Variants in CHN2 observed in about 807,000 individuals in gnomAD.
The protein encoded by CHN2 is beta-chimaerin.
In CHN2, 35 loss-of-function variants were observed where a neutral mutation model predicts 56.3. The observed-to-expected ratio is 0.62, with a 90% CI of 0.47 to 0.82. CHN2 has a LOEUF of 0.82. CHN2 is among the 40% of genes least tolerant of loss of function. The probability of loss-of-function intolerance (pLI) is 0.00; values close to 1 mark genes in which losing one functional copy is unlikely to be tolerated. For missense variants in CHN2, 491 were observed against 580.5 expected (o/e 0.85, Z 1.58); for synonymous variants, 210 against 212.8 (o/e 0.99, Z 0.12).
intron 6 of CHN2, 107 bp downstream of exon 6, chr7:29,400,935 C>G (rs10251888): frequency 0.043 from 47,033 of 1,104,118 alleles, 1,423 homozygotes; most frequent in African/African-American, 0.11. Flanking sequence ...GACCCACCCC[C>G]ACCCGAAGAA....
intron 6 of CHN2, among the ~76,000 whole-genome samples, chr7:29,411,550 G>A (rs573210283): frequency 5.1e-4 from 77 of 152,270 alleles, no homozygotes; most frequent in African/African-American, 1.4e-3. Flanking sequence ...AGGCCAAGCC[G>A]AAGGACCCCG....
intron 1 of CHN2, among the ~76,000 whole-genome samples, chr7:29,282,566 C>T (rs556617893): frequency 6.6e-6 from 1 of 152,186 alleles, no homozygotes; most frequent in South Asian, 2.1e-4. Context: ...TTTAACTGTA[C>T]TGGTGGATTT....
intron 1 of CHN2, among the ~76,000 whole-genome samples, chr7:29,290,728 T>C (rs1792532743): frequency 6.6e-6 from 1 of 152,142 alleles, no homozygotes; most frequent in African/African-American, 2.4e-5. Context: ...CATTTAGAAG[T>C]GTTAATGGTG....
chr7:29,317,924 C>T (rs1324782192), intron 1 of CHN2, among the ~76,000 whole-genome samples: 4 of 152,154 alleles, frequency 2.6e-5, no homozygotes, highest in South Asian at 2.1e-4. Context: ...GCAGAGGTTG[C>T]AGTAAGCCAA....
intron 4 of CHN2, chr7:29,397,275 G>C (rs1801832309): frequency 6.6e-6 from 1 of 152,200 alleles, no homozygotes; most frequent in Non-Finnish European, 1.5e-5. Flanking sequence ...TTTTAAAAAT[G>C]TTATCCTTCT....
At chr7:29,449,204 T>C (rs1784232348) in intron 6 of CHN2, among the ~76,000 whole-genome samples, 1 of 152,146 alleles carries the variant, frequency 6.6e-6, no homozygotes, top group Non-Finnish European at 1.5e-5. Flanking sequence ...ACTTAGGAAT[T>C]GCAGGAAAAA....
Position 29,504,766 on chromosome 7 carries a change from C to G in CHN2, c.936C>G (p.Tyr312Ter), listed in dbSNP as rs1022021544. Residue 312 changes from tyrosine (Y) to a stop codon, truncating the protein, a stop_gained, in exon 10 of 13, where the codon TAC becomes TAG. Coordinates refer to ENST00000222792, the MANE Select transcript of CHN2 (RefSeq NM_004067.4). LOFTEE classifies it high-confidence loss of function. ...EARGLKSEGLYRVSGFTEHIE... is the reference protein window; with the variant it reads ...EARGLKSEGL Reference sequence around the variant, plus strand: ...CAGGATTAAAATCGGAAGGCCTTTACAGAGTCTCTGGGTTCACTGAACACA... The same window carrying G: ...CAGGATTAAAATCGGAAGGCCTTTAGAGAGTCTCTGGGTTCACTGAACACA... 3 of 1,611,656 alleles carry G rather than the reference C, an allele frequency of 1.9e-6. No homozygotes were observed. In the Admixed American group the frequency reaches 5.0e-5, roughly 27 times the overall value.
At chr7:29,332,945 G>A (rs1356611402) in intron 1 of CHN2, 1 of 152,052 alleles carries the variant, frequency 6.6e-6, no homozygotes, top group Non-Finnish European at 1.5e-5. Flanking sequence ...ATCCTGTCTA[G>A]GAAGATGTCC....
chr7:29,463,959 C>T (rs1458905740), intron 6 of CHN2, among the ~76,000 whole-genome samples: 2 of 152,198 alleles, frequency 1.3e-5, no homozygotes, highest in East Asian at 3.9e-4. Context: ...GGCATTGCCC[C>T]CTCCACTGGC....
intron 1 of CHN2, among the ~76,000 whole-genome samples, chr7:29,269,416 T>C (rs560667684): frequency 6.6e-6 from 1 of 152,354 alleles, no homozygotes; most frequent in South Asian, 2.1e-4. Context: ...TATTCCATTG[T>C]GTACGTGTAC....
chr7:29,300,193 G>T (rs1470410786), intron 1 of CHN2, among the ~76,000 whole-genome samples: 1 of 152,190 alleles, frequency 6.6e-6, no homozygotes, highest in Non-Finnish European at 1.5e-5. Flanking sequence ...TCAAGCTAAG[G>T]AATGTGGAAT....
At chr7:29,353,724 G>T (rs1798070112) in intron 1 of CHN2, among the ~76,000 whole-genome samples, 1 of 152,196 alleles carries the variant, frequency 6.6e-6, no homozygotes, top group South Asian at 2.1e-4. Flanking sequence ...AGCGGTAGAG[G>T]ATGATGAGAA....
Position 29,437,308 on chromosome 7 carries a change from T to C in CHN2, c.576+36480T>C, listed in dbSNP as rs560608444. 2.2e-5 allele frequency among the ~76,000 whole-genome samples: 3 copies of C among 138,578 alleles called. 1 individual carries two copies. Among genetic ancestry groups the C allele is most frequent in the South Asian group, 2.2e-4 (1 of 4,606 alleles). The allele number at this position is 138,578 out of a possible 152,430, so 90.9% of individuals were successfully genotyped here. A position where few individuals can be genotyped will look rare whatever the true frequency, so the allele number is the denominator to read the frequency against. ...GCATATCTTCTCAGCATTTAAGATA[T>C]CTAAAACCGGCTGGGCGCGGTGGCT... On this transcript the variant is annotated intron_variant, in intron 6 of 12. Transcript: ENST00000222792.
intron 1 of CHN2, among the ~76,000 whole-genome samples, chr7:29,283,431 T>C (rs535414874): frequency 1.7e-4 from 26 of 152,266 alleles, no homozygotes; most frequent in Non-Finnish European, 2.8e-4. Flanking sequence ...CCCTTCCATG[T>C]GGACAGGACT....
At chr7:29,293,859 T>TC (rs1429227625) in intron 1 of CHN2, among the ~76,000 whole-genome samples, 94 of 44,562 alleles carry the variant, frequency 2.1e-3, no homozygotes, top group African/African-American at 5.5e-3. Context: ...GGCTGGGAAT[T>TC]TTTTTTTTTT....
At chr7:29,356,907 T>G (rs1468442450) in intron 2 of CHN2, among the ~76,000 whole-genome samples, 1 of 152,252 alleles carries the variant, frequency 6.6e-6, no homozygotes, top group Non-Finnish European at 1.5e-5. Context: ...CTTACTGTGC[T>G]TTGCACACTG....
Position 29,381,809 on chromosome 7 carries a change from C to CAAAAAAAAAAAAAAAAAAAAA in CHN2, c.145-11863_145-11843dup, listed in dbSNP as rs60652952. Among the ~76,000 whole-genome samples the CAAAAAAAAAAAAAAAAAAAAA allele has an allele frequency of 7.8e-4, 31 of 39,514 alleles. 4 individuals are homozygous for CAAAAAAAAAAAAAAAAAAAAA. Among genetic ancestry groups the CAAAAAAAAAAAAAAAAAAAAA allele is most frequent in the East Asian group, 1.2e-3 (1 of 842 alleles). 25.9% of individuals were successfully genotyped at this position (39,514 alleles called of 152,430 possible). A position where few individuals can be genotyped will look rare whatever the true frequency, so the allele number is the denominator to read the frequency against. ...AAAAGTCTATTCTCACTAAACTAAGCAAAAAAAAAAAAAAAAAAAAAAAAA... is the reference window on the plus strand; with the variant it reads ...AAAAGTCTATTCTCACTAAACTAAGCAAAAAAAAAAAAAAAAAAAAAAAAAAAAAAAAAAAAAAAAAAAAAA... On this transcript the variant is annotated intron_variant, in intron 3 of 12. Coordinates refer to ENST00000222792, the MANE Select transcript of CHN2 (RefSeq NM_004067.4).
chr7:29,271,401 A>G (rs71539599), intron 1 of CHN2, among the ~76,000 whole-genome samples: 26,009 of 152,178 alleles, frequency 0.17, 2,541 homozygotes, highest in Non-Finnish European at 0.22. Flanking sequence ...AGTGTCCTCT[A>G]AAGATGAAGC....
At chr7:29,213,266 C>T in intron 1 of CHN2, 1 of 885,348 alleles carries the variant, frequency 1.1e-6, no homozygotes, top group South Asian at 1.3e-5. Flanking sequence ...GTGGCTGAAT[C>T]CTTCCTCTCC....
Sources: allele counts gnomAD v4.1 joint callset (sites outside exome capture counted in the v4.1 genomes callset), GRCh38; gene constraint gnomAD v4.1.1; transcripts MANE v1.5; gene names NCBI Gene and HGNC (gene_info 2026-07-23, HGNC 2026-07-21).